Variants in UBTD1 observed in about 807,000 individuals in gnomAD.
UBTD1 encodes ubiquitin domain-containing protein 1.
A neutral mutation model predicts 21.7 loss-of-function variants in UBTD1; 19 were observed. That is an observed-to-expected ratio of 0.87 (90% CI 0.61 to 1.28). The LOEUF (loss-of-function observed/expected upper bound fraction) is 1.28. Among genes scored for constraint, UBTD1 ranks in the 50% most tolerant of loss-of-function variants. UBTD1 has a pLI of 0.00. For missense variants in UBTD1, 282 were observed against 315.1 expected (o/e 0.89, Z 0.80); for synonymous variants, 116 against 135.1 (o/e 0.86, Z 0.98).
At chr10:97,524,788 T>C in intron 1 of UBTD1, among the ~76,000 whole-genome samples, 1 of 152,074 alleles carries the variant, frequency 6.6e-6, no homozygotes. Context: ...CATAGAACAT[T>C]GTTGTTTGCA....
intron 1 of UBTD1, among the ~76,000 whole-genome samples, chr10:97,560,384 C>T (rs1042531763): frequency 1.3e-5 from 2 of 152,178 alleles, no homozygotes; most frequent in Non-Finnish European, 2.9e-5. Context: ...TTTCAATCAT[C>T]CTTTGCTATT....
At chr10:97,554,123 C>T (rs2040653060) in intron 1 of UBTD1, among the ~76,000 whole-genome samples, 1 of 152,152 alleles carries the variant, frequency 6.6e-6, no homozygotes, top group African/African-American at 2.4e-5. Flanking sequence ...CTTTAGTCTT[C>T]TCAAGAGAAA....
chr10:97,524,801 G>A (rs981188187), intron 1 of UBTD1, among the ~76,000 whole-genome samples: 2 of 152,188 alleles, frequency 1.3e-5, no homozygotes, highest in Non-Finnish European at 2.9e-5. Context: ...TGTTTGCATG[G>A]TTGAAGTTGG....
intron 1 of UBTD1, among the ~76,000 whole-genome samples, chr10:97,555,869 G>C (rs2040661794): frequency 6.6e-6 from 1 of 152,154 alleles, no homozygotes; most frequent in Non-Finnish European, 1.5e-5. Context: ...TTACTTCCTT[G>C]TTGTTTTTTC....
rs191867198 is a variant in UBTD1, at chr10:97,560,064, T to G, written c.71-7850T>G. Among the ~76,000 whole-genome samples, 145 of 152,296 alleles carry G rather than the reference T, an allele frequency of 9.5e-4. 1 individual carries two copies. The highest frequency in any genetic ancestry group is 3.2e-3 in the African/African-American group (132 of 41,574). ...TTTTTGCATAAATTTTTTATAACAT[T>G]TTTTCTTTCATGACTTTCACCAGCA... On this transcript the variant is annotated intron_variant, in intron 1 of 2. Transcript: ENST00000370664.
chr10:97,527,445 T>TTTTA (rs36005101), intron 1 of UBTD1, among the ~76,000 whole-genome samples: 38,599 of 149,522 alleles, frequency 0.26, 5,340 homozygotes, highest in Non-Finnish European at 0.31. Flanking sequence ...TGCCCTTCTT[T>TTTTA]TTTATTTATT....
chr10:97,537,649 T>A (rs984843165), intron 1 of UBTD1, among the ~76,000 whole-genome samples: 1 of 151,906 alleles, frequency 6.6e-6, no homozygotes, highest in Admixed American at 6.6e-5. Context: ...TGAGGCTTGC[T>A]CCCACCTGGG....
chr10:97,561,737 GT>G (rs961798637), intron 1 of UBTD1, among the ~76,000 whole-genome samples: 33 of 151,592 alleles, frequency 2.2e-4, no homozygotes, highest in African/African-American at 7.2e-4. Context: ...CTTCCTTGTT[GT>G]TTTTTCTTAA....
chr10:97,553,396 G>A (rs2040649613), intron 1 of UBTD1, among the ~76,000 whole-genome samples: 1 of 152,228 alleles, frequency 6.6e-6, no homozygotes, highest in Non-Finnish European at 1.5e-5. Context: ...CTCCAAAAGT[G>A]CTGGGATTAC....
At chr10:97,544,713 G>A (rs986562984) in intron 1 of UBTD1, among the ~76,000 whole-genome samples, 6 of 152,162 alleles carry the variant, frequency 3.9e-5, no homozygotes, top group African/African-American at 1.2e-4. Context: ...AATCATGGCC[G>A]GGGGCAGTGG....
intron 1 of UBTD1, among the ~76,000 whole-genome samples, chr10:97,563,698 A>T (rs2040704363): frequency 6.6e-6 from 1 of 152,146 alleles, no homozygotes; most frequent in African/African-American, 2.4e-5. Context: ...GGAAAAGTGT[A>T]AACTGGCAGG....
chr10:97,509,143 A>G (rs770213159), intron 1 of UBTD1, among the ~76,000 whole-genome samples: 3 of 152,170 alleles, frequency 2.0e-5, no homozygotes, highest in Non-Finnish European at 2.9e-5. Context: ...CAAGTATTAG[A>G]TATCATTTGA....
intron 1 of UBTD1, among the ~76,000 whole-genome samples, chr10:97,509,796 G>A (rs1414396995): frequency 3.3e-5 from 5 of 151,764 alleles, no homozygotes; most frequent in Admixed American, 1.3e-4. Context: ...GATTATAGGC[G>A]TACACCATCA....
chr10:97,506,767 C>T (rs558134038), intron 1 of UBTD1, among the ~76,000 whole-genome samples: 1 of 152,262 alleles, frequency 6.6e-6, no homozygotes, highest in East Asian at 1.9e-4. Context: ...TAGTATTTCT[C>T]CTTTTGTGGC....
At chr10:97,535,006 C>T (rs115022857) in intron 1 of UBTD1, among the ~76,000 whole-genome samples, 3,409 of 152,346 alleles carry the variant, frequency 0.022, 141 homozygotes, top group African/African-American at 0.078. Context: ...GAGGCCCACA[C>T]TCCTCTTTGC....
At chr10:97,523,839 C>T (rs2040476342) in intron 1 of UBTD1, among the ~76,000 whole-genome samples, 1 of 152,066 alleles carries the variant, frequency 6.6e-6, no homozygotes, top group Admixed American at 6.6e-5. Flanking sequence ...CCTCGTGAGA[C>T]TGCTGAAGAC....
intron 2 of UBTD1, among the ~76,000 whole-genome samples, chr10:97,569,786 T>C (rs2040736033): frequency 6.6e-6 from 1 of 152,022 alleles, no homozygotes; most frequent in South Asian, 2.1e-4. Context: ...CTAGTGTCTC[T>C]ACAAGAACTG....
chr10:97,561,129 G>A (rs1589883635), intron 1 of UBTD1, among the ~76,000 whole-genome samples: 2 of 152,086 alleles, frequency 1.3e-5, no homozygotes, highest in Non-Finnish European at 1.5e-5. Context: ...TTAATCCTCC[G>A]TGGGGGCCTG....
chr10:97,503,940 A>C (rs1462804981), intron 1 of UBTD1, among the ~76,000 whole-genome samples: 1 of 152,084 alleles, frequency 6.6e-6, no homozygotes, highest in South Asian at 2.1e-4. Flanking sequence ...CCTGCTGTCT[A>C]AAAGGCTTCC....
Sources: allele counts gnomAD v4.1 joint callset (sites outside exome capture counted in the v4.1 genomes callset), GRCh38; gene constraint gnomAD v4.1.1; transcripts MANE v1.5; gene names NCBI Gene and HGNC (gene_info 2026-07-23, HGNC 2026-07-21).